FAXDC2: variants seen among roughly 807,000 people sequenced by gnomAD.
FAXDC2 encodes fatty acid hydroxylase domain containing 2, also known as fatty acid hydroxylase domain-containing protein 2.
Under a neutral mutation model 40.9 loss-of-function variants are expected in FAXDC2, and 41 were observed. The ratio of observed to expected loss-of-function variants is 1.00; its 90% CI spans 0.78 to 1.30. The LOEUF is 1.30. Ranked by LOEUF, FAXDC2 falls within the 50% of genes most tolerant of loss-of-function variation. The pLI is 0.00. For missense variants in FAXDC2, 390 were observed against 408.8 expected, an observed-to-expected ratio of 0.95 and a Z score of 0.40; for synonymous variants, 157 against 149.3, an observed-to-expected ratio of 1.05 and a Z score of -0.38.
intron 5 of FAXDC2, chr5:154,824,695 A>G: frequency 1.6e-6 from 1 of 607,714 alleles, no homozygotes; most frequent in African/African-American, 1.8e-5. Flanking sequence ...CACTCAGTGT[A>G]CTGGGTGTTG....
chr5:154,823,465 A>T lies in FAXDC2; in HGVS notation c.494T>A (p.Leu165Gln). The change falls in exon 6 of 9, where the codon CTA (leucine) becomes CAA (glutamine). Residue 165 changes from leucine (L) to glutamine (Q), a missense_variant. By Grantham distance (113) the Leu-to-Gln change is moderately radical (BLOSUM62 -2). Transcript: ENST00000326080. ...KWWRDPCRRE[L>Q]PTFHWFLLEL... is the part of the protein sequence containing the mutation. ...CAGGAGGAACCAGTGGAAGGTGGGT[A>T]GCTCACGGCGGCAGGGGTCTCTCCA... 1.9e-6 allele frequency: 3 copies of T among 1,614,232 alleles called. No homozygotes were observed. Among genetic ancestry groups the T allele is most frequent in the Non-Finnish European group, 2.5e-6 (3 of 1,180,036 alleles).
At chr5:154,845,181 T>C (rs1444759463) in intron 1 of FAXDC2, among the ~76,000 whole-genome samples, 4 of 152,246 alleles carry the variant, frequency 2.6e-5, no homozygotes, top group Non-Finnish European at 4.4e-5. Context: ...CCAAAGCAGC[T>C]TGCTTTCTGT....
rs1162475789 is a variant in FAXDC2 at position 154,819,048 on chromosome 5, CA to C, written c.*1267del. On this transcript the variant is annotated 3_prime_UTR_variant, in exon 9 of 9. Transcript: ENST00000326080. ...CTAGAGCTGATAGGAAGAAGGAGTC[CA>C]TTTTGATAGTCCTGCCTGGAGACTT... 2.6e-5 allele frequency: 4 copies of C among 152,192 alleles called. No individual in the cohort carries two copies. The highest frequency in any genetic ancestry group is 9.7e-5 in the African/African-American group (4 of 41,432). The allele number at this position is 152,192 out of a possible 1,614,324, so 9.4% of individuals were successfully genotyped here.
intron 5 of FAXDC2, among the ~76,000 whole-genome samples, chr5:154,825,247 C>T (rs1277824405): frequency 1.3e-5 from 2 of 151,696 alleles, no homozygotes; most frequent in Non-Finnish European, 2.9e-5. Flanking sequence ...ACTTGTAGTC[C>T]CAGCTACTCG....
At chr5:154,826,865 ATATATATT>A (rs1215007376) in intron 5 of FAXDC2, among the ~76,000 whole-genome samples, 1 of 152,166 alleles carries the variant, frequency 6.6e-6, no homozygotes, top group Admixed American at 6.5e-5. Flanking sequence ...GTATAGATGC[ATATATATT>A]TATATTTTTA....
chr5:154,823,621 G>C (rs542196808), intron 5 of FAXDC2, 29 bp from the exon 6 acceptor site: 1 of 1,588,342 alleles, frequency 6.3e-7, no homozygotes, highest in South Asian at 1.1e-5. Flanking sequence ...GAGGGAGATG[G>C]ATAAGAGTGT....
intron 5 of FAXDC2, chr5:154,824,328 C>T (rs1759966776): frequency 3.2e-6 from 2 of 619,150 alleles, no homozygotes; most frequent in South Asian, 3.7e-5. Flanking sequence ...AGTCCTGTGA[C>T]CATAGATTAC....
chr5:154,820,922 A>G (rs558742397), intron 8 of FAXDC2: 1 of 302,974 alleles, frequency 3.3e-6, no homozygotes, highest in African/African-American at 2.3e-5. Flanking sequence ...TTTGTAGACT[A>G]CACTTGAAAA....
Position 154,818,752 on chromosome 5 carries a change from T to C in FAXDC2, c.*1564A>G. On this transcript the variant is annotated 3_prime_UTR_variant, in exon 9 of 9. Transcript: ENST00000326080. ...GGGGAAAAAAACCGTATCTGTTCTT[T>C]CTCCTTATCTCCTACCCTTCTCTTT... 6.6e-6 allele frequency: 1 copy of C among 152,240 alleles called. No individual in the cohort carries two copies. Among genetic ancestry groups the C allele is most frequent in the East Asian group, 1.9e-4 (1 of 5,204 alleles). 9.4% of individuals were successfully genotyped at this position (152,240 alleles called of 1,614,324 possible).
intron 5 of FAXDC2, among the ~76,000 whole-genome samples, chr5:154,828,197 C>T (rs987447169): frequency 6.6e-5 from 10 of 152,090 alleles, no homozygotes; most frequent in African/African-American, 2.4e-4. Context: ...CACTCTGTCA[C>T]CCAGGCTGAT....
At chr5:154,842,825 C>T (rs921955816) in intron 1 of FAXDC2, among the ~76,000 whole-genome samples, 2 of 151,386 alleles carry the variant, frequency 1.3e-5, no homozygotes, top group Non-Finnish European at 2.9e-5. Context: ...CCACTGCACC[C>T]GGCCCTTTTT....
intron 5 of FAXDC2, among the ~76,000 whole-genome samples, chr5:154,826,253 C>T (rs1265028004): frequency 6.6e-6 from 1 of 151,928 alleles, no homozygotes; most frequent in African/African-American, 2.4e-5. Context: ...GGGAGCCGGG[C>T]GCGGTGGCTC....
intron 2 of FAXDC2, among the ~76,000 whole-genome samples, chr5:154,837,226 T>C (rs1318031142): frequency 6.6e-6 from 1 of 152,174 alleles, no homozygotes; most frequent in Non-Finnish European, 1.5e-5. Flanking sequence ...ACTCTCTCTC[T>C]CTCTCTCAGG....
At chr5:154,832,468 TG>T (rs1220472669) in intron 4 of FAXDC2, among the ~76,000 whole-genome samples, 2 of 152,164 alleles carry the variant, frequency 1.3e-5, no homozygotes, top group African/African-American at 4.8e-5. Context: ...CCCAAAGTGC[TG>T]GGATTACAGG....
intron 5 of FAXDC2, chr5:154,830,326 AAGG>A (rs894534958): frequency 6.5e-6 from 1 of 154,292 alleles, no homozygotes; most frequent in African/African-American, 2.4e-5. Flanking sequence ...AGTATTTCGG[AAGG>A]AGAACTTGTT....
At chr5:154,827,595 A>G (rs1474142657) in intron 5 of FAXDC2, among the ~76,000 whole-genome samples, 1 of 151,748 alleles carries the variant, frequency 6.6e-6, no homozygotes, top group African/African-American at 2.4e-5. Context: ...AGGCCATTAC[A>G]CCTAACCGTA....
In FAXDC2 at chr5:154,820,021, T is replaced by A. The variant is rs1006777599; in HGVS notation, c.*295A>T. ...GGAGTTATCTGGGGCTGAACCCCTC[T>A]CCTTCCACAGCAGAGGACCAGGGGT... On this transcript the variant is annotated 3_prime_UTR_variant, in exon 9 of 9. Coordinates refer to ENST00000326080, the MANE Select transcript of FAXDC2 (RefSeq NM_032385.5). 2.3e-5 allele frequency: 6 copies of A among 256,440 alleles called. No homozygotes were observed. Among genetic ancestry groups the A allele is most frequent in the Admixed American group, 1.7e-4 (3 of 17,746 alleles). The allele number at this position is 256,440 out of a possible 1,614,324, so 15.9% of individuals were successfully genotyped here.
At chr5:154,831,006 C>T in intron 4 of FAXDC2, 84 bp from the exon 5 acceptor site, 3 of 1,527,560 alleles carry the variant, frequency 2.0e-6, no homozygotes, top group Non-Finnish European at 2.7e-6. Flanking sequence ...TTTGTGGTGA[C>T]TGAGGCTTCA....
At position 154,822,538 on chromosome 5, in the gene FAXDC2, C is replaced by T. The variant is rs1561651224; in HGVS notation, c.612G>A (p.Lys204=). Residue 204 remains lysine, a synonymous_variant, in exon 7 of 9, where the codon AAG becomes AAA. Transcript: ENST00000326080. ...TGGGAGCTGTCCACTCATGGTGTTT[C>T]TTGTGGATTTTCTTGTAGAATGTTG... ...HHPTFYKKIH[K]KHHEWTAPIG... The T allele has an allele frequency of 6.2e-7, 1 of 1,614,158 alleles. No individual in the cohort carries two copies. Among genetic ancestry groups the T allele is most frequent in the Admixed American group, 1.7e-5 (1 of 60,026 alleles).
Sources: allele counts gnomAD v4.1 joint callset (sites outside exome capture counted in the v4.1 genomes callset), GRCh38; gene constraint gnomAD v4.1.1; transcripts MANE v1.5; gene names NCBI Gene and HGNC (gene_info 2026-07-23, HGNC 2026-07-21).